The following COLQ variants were observed in gnomAD, a reference collection of about 807,000 sequenced individuals.
COLQ encodes the protein collagen like tail subunit of asymmetric acetylcholinesterase.
In COLQ, 48 loss-of-function variants were observed where a neutral mutation model predicts 69.0. That is an observed-to-expected ratio of 0.70 (90% confidence interval 0.55 to 0.88). The LOEUF (loss-of-function observed/expected upper bound fraction) is 0.88, where lower values mean the gene tolerates loss of function less well. Ranked by LOEUF, COLQ falls within the 40% of genes least tolerant of loss-of-function variation. The probability of loss-of-function intolerance (pLI) is 0.00; values close to 1 mark genes in which losing one functional copy is unlikely to be tolerated. For missense variants in COLQ, 618 were observed against 594.6 expected (o/e 1.04, Z -0.41); for synonymous variants, 217 against 211.2 (o/e 1.03, Z -0.24).
intron 1 of COLQ, among the ~76,000 whole-genome samples, chr3:15,496,035 G>A (rs780607151): frequency 4.6e-5 from 7 of 152,140 alleles, no homozygotes; most frequent in Non-Finnish European, 7.4e-5. Flanking sequence ...GACCATATAT[G>A]GCCTCCAGTG....
intron 1 of COLQ, chr3:15,499,020 AC>A: frequency 5.3e-6 from 5 of 938,130 alleles, no homozygotes; most frequent in Non-Finnish European, 6.3e-6. Flanking sequence ...CTCAAAGTCA[AC>A]CCCCCACCGA....
chr3:15,474,688 T>C (rs1027259030), intron 8 of COLQ, among the ~76,000 whole-genome samples: 1 of 152,246 alleles, frequency 6.6e-6, no homozygotes, highest in East Asian at 1.9e-4. Flanking sequence ...CATTTGCTTA[T>C]GTGCTCCACA....
At position 15,471,156 on chromosome 3, in the gene COLQ, C is replaced by G. The variant is rs1440744274; in HGVS notation, c.637-540G>C. Among the ~76,000 whole-genome samples the G allele has an allele frequency of 2.0e-5, 3 of 152,332 alleles. No individual in the cohort carries two copies. The East Asian group carries it at 5.8e-4, about 29-fold the overall frequency. On this transcript the variant is annotated intron_variant, in intron 10 of 16. Coordinates refer to ENST00000383788, the MANE Select transcript of COLQ (RefSeq NM_005677.4). Reference sequence around the variant, plus strand: ...TTGCTTAGGATTATGTGCTTGCCCACTCTTAGTAAGCATTGGTTTGAGTTC... The same window carrying G: ...TTGCTTAGGATTATGTGCTTGCCCAGTCTTAGTAAGCATTGGTTTGAGTTC...
intron 12 of COLQ, 129 bp from the exon 13 acceptor site, chr3:15,458,454 A>C (rs2062057865): frequency 1.0e-6 from 1 of 969,152 alleles, no homozygotes; most frequent in Non-Finnish European, 1.6e-6. Context: ...TGCCTGAGGG[A>C]GAGGTTCAAA....
intron 3 of COLQ, among the ~76,000 whole-genome samples, chr3:15,483,618 G>C (rs2062527198): frequency 6.6e-6 from 1 of 152,200 alleles, no homozygotes; most frequent in African/African-American, 2.4e-5. Context: ...TTGCTGACGA[G>C]TGCTTTACTT....
At chr3:15,477,733 C>A (rs2062404920) in intron 5 of COLQ, 1 of 158,860 alleles carries the variant, frequency 6.3e-6, no homozygotes, top group Non-Finnish European at 1.4e-5. Flanking sequence ...GCCAATAGTC[C>A]AGCTCCCTTA....
chr3:15,496,551 C>A (rs2062749078), intron 1 of COLQ, among the ~76,000 whole-genome samples: 1 of 152,220 alleles, frequency 6.6e-6, no homozygotes, highest in Non-Finnish European at 1.5e-5. Context: ...GTATTGAAAG[C>A]AATCCTGTGC....
chr3:15,493,817 C>T (rs751137804), intron 1 of COLQ, among the ~76,000 whole-genome samples: 7 of 152,242 alleles, frequency 4.6e-5, no homozygotes, highest in Non-Finnish European at 8.8e-5. Flanking sequence ...GGCGTGGTGG[C>T]TCACGCCTGT....
At chr3:15,470,323 A>G (rs34310832) in intron 11 of COLQ, among the ~76,000 whole-genome samples, 2 of 152,206 alleles carry the variant, frequency 1.3e-5, no homozygotes, top group East Asian at 1.9e-4. Context: ...CACAGTTCAC[A>G]TGGAGCATCC....
intron 1 of COLQ, among the ~76,000 whole-genome samples, chr3:15,493,582 C>A (rs1294886516): frequency 1.3e-5 from 2 of 152,260 alleles, no homozygotes; most frequent in African/African-American, 4.8e-5. Flanking sequence ...TTGTCTGGAA[C>A]ATCCCCTTGT....
chr3:15,453,480 A>G (rs2061978169), intron 16 of COLQ, among the ~76,000 whole-genome samples: 1 of 152,154 alleles, frequency 6.6e-6, no homozygotes, highest in South Asian at 2.1e-4. Flanking sequence ...TGGGCTTCCC[A>G]CCTAGGCCCA....
intron 8 of COLQ, 142 bp from the exon 9 acceptor site, chr3:15,474,414 C>T: frequency 1.2e-6 from 1 of 844,754 alleles, no homozygotes; most frequent in Non-Finnish European, 2.0e-6. Flanking sequence ...GTGACTTCTC[C>T]AGGGAAGGAA....
intron 11 of COLQ, chr3:15,467,712 T>C (rs978312329): frequency 2.6e-6 from 1 of 380,906 alleles, no homozygotes; most frequent in African/African-American, 2.1e-5. Context: ...GATTGACACT[T>C]GCCATTTTTG....
At chr3:15,502,637 C>T (rs938575465) in intron 1 of COLQ, among the ~76,000 whole-genome samples, 3 of 152,140 alleles carry the variant, frequency 2.0e-5, no homozygotes, top group Non-Finnish European at 4.4e-5. Flanking sequence ...TGGTCTTGAA[C>T]TTCTGGCCTC....
intron 1 of COLQ, chr3:15,506,944 T>C (rs66505353): frequency 0.14 from 21,776 of 152,258 alleles, 2,087 homozygotes; most frequent in East Asian, 0.44. Flanking sequence ...TGTAACTACA[T>C]AAAATGCATG....
At chr3:15,493,639 A>G (rs1237309050) in intron 1 of COLQ, among the ~76,000 whole-genome samples, 1 of 152,264 alleles carries the variant, frequency 6.6e-6, no homozygotes, top group Non-Finnish European at 1.5e-5. Flanking sequence ...TTGCCCAGCC[A>G]GGTGACAGGT....
chr3:15,452,106 C>T (rs1216446639), intron 16 of COLQ, among the ~76,000 whole-genome samples: 1 of 151,396 alleles, frequency 6.6e-6, no homozygotes, highest in African/African-American at 2.4e-5. Flanking sequence ...TCGCTCTGTC[C>T]CCCAGGCTGG....
chr3:15,456,812 A>G (rs1304137287), intron 13 of COLQ, among the ~76,000 whole-genome samples: 1 of 137,830 alleles, frequency 7.3e-6, no homozygotes, highest in Admixed American at 8.0e-5. Context: ...CTCGGATTTA[A>G]CTTTTTTTTC....
At chr3:15,476,990 C>A (rs1032900455) in intron 6 of COLQ, 136 bp downstream of exon 6, 5 of 897,188 alleles carry the variant, frequency 5.6e-6, no homozygotes, top group Non-Finnish European at 9.0e-6. Flanking sequence ...GGCCCTGTGG[C>A]CAGTCCTTAA....
Sources: allele counts gnomAD v4.1 joint callset (sites outside exome capture counted in the v4.1 genomes callset), GRCh38; gene constraint gnomAD v4.1.1; transcripts MANE v1.5; gene names NCBI Gene and HGNC (gene_info 2026-07-23, HGNC 2026-07-21).